Variants in ENOX2 observed in about 807,000 individuals in gnomAD.
ENOX2 encodes the protein APK1 antigen.
A neutral mutation model predicts 45.0 loss-of-function variants in ENOX2; 36 were observed. The ratio of observed to expected loss-of-function variants is 0.80; its 90% CI spans 0.61 to 1.06. The LOEUF (loss-of-function observed/expected upper bound fraction) is 1.06, where lower values mean the gene tolerates loss of function less well. ENOX2 is among the 50% of genes least tolerant of loss of function. The pLI, the probability that ENOX2 is intolerant of heterozygous loss-of-function variation, is 0.00. For synonymous variants in ENOX2, 174 were observed against 152.3 expected (o/e 1.14, Z -1.05); for missense variants, 423 against 462.5 (o/e 0.91, Z 0.78).
intron 10 of ENOX2, among the ~76,000 whole-genome samples, chrX:130,640,717 A>C (rs2036057471): frequency 9.0e-6 from 1 of 111,454 alleles, no homozygotes; most frequent in African/African-American, 3.3e-5. Flanking sequence ...ACACATGGAC[A>C]CATGGGAGGG....
chrX:130,883,582 G>GCA (rs2078856225), intron 2 of ENOX2, among the ~76,000 whole-genome samples: 1 of 111,506 alleles, frequency 9.0e-6, no homozygotes, highest in African/African-American at 3.3e-5. Flanking sequence ...AGCATATTAA[G>GCA]TCCTTTTTGG....
intron 11 of ENOX2, among the ~76,000 whole-genome samples, chrX:130,635,779 T>C (rs1288153075): frequency 8.9e-6 from 1 of 111,853 alleles, no homozygotes; most frequent in Non-Finnish European, 1.9e-5. Context: ...CCAGAGTTCA[T>C]GTCCTTACAT....
intron 9 of ENOX2, among the ~76,000 whole-genome samples, chrX:130,661,277 C>T (rs2036681101): frequency 9.2e-6 from 1 of 108,868 alleles, no homozygotes; most frequent in Non-Finnish European, 1.9e-5. Flanking sequence ...CAGCCTTGAC[C>T]TACTGGGCTC....
At chrX:130,634,901 G>C (rs1211107137) in intron 12 of ENOX2, 83 bp downstream of exon 12, 1 of 510,572 alleles carries the variant, frequency 2.0e-6, no homozygotes, top group Non-Finnish European at 3.2e-6. Flanking sequence ...TTGATTTCTA[G>C]GGCATAACTT....
chrX:130,717,733 C>T (rs907706768), intron 3 of ENOX2, among the ~76,000 whole-genome samples: 1 of 111,734 alleles, frequency 8.9e-6, no homozygotes, highest in African/African-American at 3.3e-5. Context: ...TTATAAGATA[C>T]AAGCGTAAAG....
intron 2 of ENOX2, among the ~76,000 whole-genome samples, chrX:130,884,588 T>C (rs762313981): frequency 8.9e-6 from 1 of 112,056 alleles, no homozygotes; most frequent in East Asian, 2.8e-4. Context: ...GTTGGGTTCA[T>C]TTGATGAATT....
At chrX:130,891,399 G>A (rs1027115045) in intron 2 of ENOX2, among the ~76,000 whole-genome samples, 1 of 102,434 alleles carries the variant, frequency 9.8e-6, no homozygotes, top group Non-Finnish European at 2.0e-5. Flanking sequence ...AAATGACAGT[G>A]ATCTAGTATA....
Position 130,791,033 on chromosome X carries a change from G to T in ENOX2, c.-182-7343C>A, listed in dbSNP as rs141714669. Among the ~76,000 whole-genome samples the T allele has an allele frequency of 8.8e-3, 982 of 111,803 alleles. 15 individuals are homozygous for T. The highest frequency in any genetic ancestry group is 0.03 in the African/African-American group (923 of 30,755). On this transcript the variant is annotated intron_variant, in intron 2 of 14. Transcript: ENST00000394363. ...GTGGTGAGCAGGGTCTCACTATGTT[G>T]CCCAGGCAGGTAACTCCTGGGCTCA...
intron 2 of ENOX2, among the ~76,000 whole-genome samples, chrX:130,862,040 T>C (rs1288849008): frequency 8.9e-6 from 1 of 111,861 alleles, no homozygotes; most frequent in Non-Finnish European, 1.9e-5. Context: ...AACCACATTA[T>C]ATCACTCTTC....
At chrX:130,810,205 TG>T (rs1459548231) in intron 2 of ENOX2, among the ~76,000 whole-genome samples, 4 of 110,841 alleles carry the variant, frequency 3.6e-5, no homozygotes, top group Non-Finnish European at 7.6e-5. Context: ...ATCCCACTGC[TG>T]GGCAGGCTCC....
intron 2 of ENOX2, among the ~76,000 whole-genome samples, chrX:130,898,601 A>T (rs1044309444): frequency 4.5e-5 from 5 of 111,037 alleles, no homozygotes; most frequent in Non-Finnish European, 3.8e-5. Context: ...ATATATCAAA[A>T]ACAATTTTCC....
intron 6 of ENOX2, 71 bp from the exon 7 acceptor site, chrX:130,670,269 A>G (rs1402128144): frequency 1.4e-6 from 1 of 694,136 alleles, no homozygotes; most frequent in Non-Finnish European, 2.2e-6. Flanking sequence ...AGAGAGAGAC[A>G]GAGACAGAGA....
intron 3 of ENOX2, among the ~76,000 whole-genome samples, chrX:130,767,538 G>C (rs2039646062): frequency 8.9e-6 from 1 of 112,134 alleles, no homozygotes; most frequent in African/African-American, 3.2e-5. Flanking sequence ...ACTGTGATGA[G>C]TACTGATAGA....
At chrX:130,766,874 A>G (rs919180277) in intron 3 of ENOX2, among the ~76,000 whole-genome samples, 1 of 111,936 alleles carries the variant, frequency 8.9e-6, no homozygotes, top group South Asian at 3.7e-4. Flanking sequence ...GGTAGGTGCT[A>G]TTTTCTCCAT....
intron 3 of ENOX2, among the ~76,000 whole-genome samples, chrX:130,739,973 T>C (rs750013309): frequency 8.9e-6 from 1 of 112,439 alleles, no homozygotes; most frequent in South Asian, 3.7e-4. Context: ...AGAAAATACA[T>C]ATAACACAAT....
intron 10 of ENOX2, chrX:130,645,850 G>A: frequency 2.9e-6 from 2 of 689,020 alleles, no homozygotes; most frequent in Non-Finnish European, 4.7e-6. Flanking sequence ...AGGGCAGTGA[G>A]AGAGAGGAAT....
Position 130,786,403 on chromosome X carries a change from T to C in ENOX2, c.-182-2713A>G, listed in dbSNP as rs916666295. Among the ~76,000 whole-genome samples the C allele has an allele frequency of 8.2e-5, 9 of 110,134 alleles. No individual in the cohort carries two copies. The East Asian group carries it at 2.3e-3, about 28-fold the overall frequency. On this transcript the variant is annotated intron_variant, in intron 2 of 14. Coordinates refer to ENST00000394363, the MANE Select transcript of ENOX2 (RefSeq NM_006375.4). ...ACAGAAAAACTTTTTTTTTTTCTTTTATTATTATTATTATTATACTTTAAG... is the reference window on the plus strand; with the variant it reads ...ACAGAAAAACTTTTTTTTTTTCTTTCATTATTATTATTATTATACTTTAAG...
chrX:130,711,553 T>C lies in ENOX2; in HGVS notation c.-38-8299A>G, dbSNP rs557244033. Among the ~76,000 whole-genome samples, 72 of 111,002 alleles carry C rather than the reference T, an allele frequency of 6.5e-4. 2 individuals carry two copies. In the South Asian group the frequency reaches 0.027, roughly 41 times the overall value. ...TCTTCCTTGAGAAAGGAAAAGGAGA[T>C]AAGGGAAGGGAAGGCAAAGGGAGGC... is the stretch of plus-strand genomic sequence containing the variant. On this transcript the variant is annotated intron_variant, in intron 3 of 14. Coordinates refer to ENST00000394363, the MANE Select transcript of ENOX2 (RefSeq NM_006375.4).
At chrX:130,842,720 A>C (rs2078036795) in intron 2 of ENOX2, among the ~76,000 whole-genome samples, 1 of 111,423 alleles carries the variant, frequency 9.0e-6, no homozygotes, top group Non-Finnish European at 1.9e-5. Context: ...GCCTTCTGTG[A>C]TACCCCCTAA....
Sources: allele counts gnomAD v4.1 joint callset (sites outside exome capture counted in the v4.1 genomes callset), GRCh38; gene constraint gnomAD v4.1.1; transcripts MANE v1.5; gene names NCBI Gene and HGNC (gene_info 2026-07-23, HGNC 2026-07-21).